Variants in RANBP2 observed in about 807,000 individuals in gnomAD.
RANBP2 encodes RAN binding protein 2.
A neutral mutation model predicts 303.6 loss-of-function variants in RANBP2; 57 were observed. That is an observed-to-expected ratio of 0.19 (90% confidence interval 0.15 to 0.23). The LOEUF is 0.23. RANBP2 is among the 10% of genes least tolerant of loss of function. The probability of loss-of-function intolerance (pLI) is 1.00; values close to 1 mark genes in which losing one functional copy is unlikely to be tolerated. For missense variants in RANBP2, 3,138 were observed against 3,780.8 expected (o/e 0.83, Z 4.46); for synonymous variants, 1,167 against 1,301.5 (o/e 0.90, Z 2.23).
chr2:109,205,583 A>G, the RANBP2 span, among the ~76,000 whole-genome samples: 3 of 152,162 alleles, frequency 2.0e-5, no homozygotes, highest in South Asian at 2.1e-4. Flanking sequence ...CACAGAAACT[A>G]CATTCTAGGG....
At chr2:108,917,901 G>A in the RANBP2 span, among the ~76,000 whole-genome samples, 1 of 152,098 alleles carries the variant, frequency 6.6e-6, no homozygotes, top group East Asian at 1.9e-4. Context: ...AGCCCTGGGT[G>A]GGTCTGCTGT....
the RANBP2 span, among the ~76,000 whole-genome samples, chr2:109,580,408 T>G: frequency 6.7e-6 from 1 of 149,934 alleles, no homozygotes; most frequent in Non-Finnish European, 1.5e-5. Context: ...AAAAAGAACT[T>G]TTACTAATAA....
the RANBP2 span, among the ~76,000 whole-genome samples, chr2:109,585,544 C>G: frequency 1.3e-5 from 2 of 152,242 alleles, no homozygotes; most frequent in African/African-American, 4.8e-5. Flanking sequence ...GTTTATATAA[C>G]AAGCCAAAAG....
At chr2:109,335,782 A>C in the RANBP2 span, among the ~76,000 whole-genome samples, 3 of 152,224 alleles carry the variant, frequency 2.0e-5, no homozygotes, top group African/African-American at 4.8e-5. Context: ...TAACTGCATA[A>C]ATGTCCTAAA....
the RANBP2 span, among the ~76,000 whole-genome samples, chr2:109,718,340 A>G: frequency 6.6e-6 from 1 of 152,262 alleles, no homozygotes; most frequent in Admixed American, 6.5e-5. Flanking sequence ...ATGAATGGAT[A>G]AAGAAAATGT....
At chr2:109,603,103 C>T in the RANBP2 span, among the ~76,000 whole-genome samples, 1 of 151,714 alleles carries the variant, frequency 6.6e-6, no homozygotes, top group Non-Finnish European at 1.5e-5. Context: ...AACAAAAAAG[C>T]ATTAAAAGGA....
the RANBP2 span, among the ~76,000 whole-genome samples, chr2:109,426,853 C>T: frequency 6.6e-6 from 1 of 152,096 alleles, no homozygotes; most frequent in African/African-American, 2.4e-5. Flanking sequence ...CTTTAGCCAC[C>T]ACCACCCTGA....
At chr2:109,324,790 C>T in the RANBP2 span, among the ~76,000 whole-genome samples, 1 of 152,100 alleles carries the variant, frequency 6.6e-6, no homozygotes, top group South Asian at 2.1e-4. Context: ...GGATAGAGAC[C>T]AACTATGAAT....
At chr2:109,288,875 C>T in the RANBP2 span, among the ~76,000 whole-genome samples, 6 of 152,054 alleles carry the variant, frequency 3.9e-5, no homozygotes, top group African/African-American at 7.3e-5. Context: ...ATGGGTGTTC[C>T]GTAAAGAAAG....
the RANBP2 span, among the ~76,000 whole-genome samples, chr2:109,375,462 C>T: frequency 6.6e-6 from 1 of 152,236 alleles, no homozygotes; most frequent in Non-Finnish European, 1.5e-5. Context: ...GTGGGCCTGG[C>T]CTCTCACCCT....
At chr2:109,177,665 C>T in the RANBP2 span, among the ~76,000 whole-genome samples, 1 of 152,160 alleles carries the variant, frequency 6.6e-6, no homozygotes, top group African/African-American at 2.4e-5. Context: ...CTAGACCACA[C>T]AGAGATCCTG....
At chr2:109,266,808 G>T in the RANBP2 span, among the ~76,000 whole-genome samples, 5 of 152,176 alleles carry the variant, frequency 3.3e-5, no homozygotes, top group African/African-American at 1.2e-4. Context: ...GAGAGAGCCA[G>T]GGAGGGAGTC....
the RANBP2 span, among the ~76,000 whole-genome samples, chr2:109,155,214 A>G: frequency 1.8e-4 from 28 of 152,338 alleles, no homozygotes; most frequent in African/African-American, 6.7e-4. Flanking sequence ...GTTCTCATCC[A>G]TGGGCACCTT....
the RANBP2 span, among the ~76,000 whole-genome samples, chr2:108,928,143 T>C: frequency 6.6e-6 from 1 of 152,138 alleles, no homozygotes; most frequent in Non-Finnish European, 1.5e-5. Context: ...GCCCAGCTTG[T>C]CCACACCCCC....
At chr2:109,092,062 T>G in the RANBP2 span, among the ~76,000 whole-genome samples, 1 of 152,108 alleles carries the variant, frequency 6.6e-6, no homozygotes, top group African/African-American at 2.4e-5. Context: ...AGGGATAATC[T>G]TGGAGTTCTT....
At chr2:109,465,178 A>G in the RANBP2 span, among the ~76,000 whole-genome samples, 3 of 152,238 alleles carry the variant, frequency 2.0e-5, no homozygotes, top group East Asian at 5.8e-4. Context: ...ACTGAATAAT[A>G]TTCCATTGTC....
the RANBP2 span, among the ~76,000 whole-genome samples, chr2:109,103,955 A>G: frequency 6.6e-6 from 1 of 151,636 alleles, no homozygotes; most frequent in East Asian, 1.9e-4. Flanking sequence ...CACCACACCC[A>G]GCTGATTTTT....
At chr2:109,039,195 C>T in the RANBP2 span, among the ~76,000 whole-genome samples, 1 of 152,210 alleles carries the variant, frequency 6.6e-6, no homozygotes, top group South Asian at 2.1e-4. Context: ...CCTGAAACAT[C>T]AACCCTCCCC....
the RANBP2 span, among the ~76,000 whole-genome samples, chr2:109,155,587 C>T: frequency 1.4e-4 from 21 of 152,182 alleles, no homozygotes; most frequent in Non-Finnish European, 2.5e-4. Context: ...AGGCCTGAGC[C>T]ACCGTGCCTG....
Sources: gnomAD v4.1 joint callset for allele counts (sites outside exome capture counted in the v4.1 genomes callset) on GRCh38, gnomAD v4.1.1 for gene constraint, MANE v1.5 for transcripts, NCBI Gene and HGNC (gene_info 2026-07-23, HGNC 2026-07-21) for gene names.